The following RTTN variants were observed in gnomAD, a reference collection of about 807,000 sequenced individuals.
The protein encoded by RTTN is rotatin.
A neutral mutation model predicts 269.2 loss-of-function variants in RTTN; 182 were observed. The observed-to-expected ratio is 0.68, with a 90% CI of 0.60 to 0.76. RTTN has a LOEUF of 0.76. Among genes scored for constraint, RTTN ranks in the 30% least tolerant of loss-of-function variants. The pLI, the probability that RTTN is intolerant of heterozygous loss-of-function variation, is 0.00. For synonymous variants in RTTN, 1,006 were observed against 963.5 expected (o/e 1.04, Z -0.82); for missense variants, 2,545 against 2,608.6 (o/e 0.98, Z 0.53).
chr18:70,151,637 A>G (rs1346806259), intron 14 of RTTN, among the ~76,000 whole-genome samples: 4 of 152,136 alleles, frequency 2.6e-5, no homozygotes, highest in Non-Finnish European at 4.4e-5. Flanking sequence ...AACTTCGTTC[A>G]TATTACAAGG....
At chr18:70,124,546 T>C (rs935264141) in intron 25 of RTTN, among the ~76,000 whole-genome samples, 1 of 152,046 alleles carries the variant, frequency 6.6e-6, no homozygotes, top group Non-Finnish European at 1.5e-5. Flanking sequence ...AAAGCAAGGA[T>C]GTATAAAACA....
intron 23 of RTTN, among the ~76,000 whole-genome samples, chr18:70,133,137 A>G (rs1815176028): frequency 6.6e-6 from 1 of 152,128 alleles, no homozygotes; most frequent in African/African-American, 2.4e-5. Flanking sequence ...ACTAGAGAAC[A>G]TATTTTCTAT....
chr18:70,097,624 G>A lies in RTTN; in HGVS notation c.3904-4820C>T, dbSNP rs551983060. 7.0e-4 allele frequency among the ~76,000 whole-genome samples: 107 copies of A among 152,252 alleles called. 1 individual carries two copies. The Middle Eastern group carries it at 0.01, about 15-fold the overall frequency. ...TCCTTTTTAAACCAAAGCAAGATTGGCTAATCAAATTTTTTATAACTGCGA... is the reference window on the plus strand; with the variant it reads ...TCCTTTTTAAACCAAAGCAAGATTGACTAATCAAATTTTTTATAACTGCGA... On this transcript the variant is annotated intron_variant, in intron 28 of 48. Transcript: ENST00000640769.
chr18:70,077,515 C>A (rs530609854), intron 32 of RTTN, among the ~76,000 whole-genome samples: 2 of 151,868 alleles, frequency 1.3e-5, no homozygotes, highest in Non-Finnish European at 2.9e-5. Flanking sequence ...TCTAACATTT[C>A]TTTAGTTTTT....
chr18:70,175,322 T>C (rs2145972693), intron 11 of RTTN, among the ~76,000 whole-genome samples: 1 of 152,162 alleles, frequency 6.6e-6, no homozygotes, highest in Non-Finnish European at 1.5e-5. Context: ...AGATAGTTTA[T>C]TGCTATCATG....
chr18:70,134,188 A>G (rs2060065720), intron 23 of RTTN, among the ~76,000 whole-genome samples: 1 of 152,038 alleles, frequency 6.6e-6, no homozygotes, highest in Admixed American at 6.6e-5. Flanking sequence ...GAGAAAGCAA[A>G]GAGACTCATA....
chr18:70,016,814 A>G (rs2056552895), intron 46 of RTTN, among the ~76,000 whole-genome samples: 1 of 151,996 alleles, frequency 6.6e-6, no homozygotes, highest in Non-Finnish European at 1.5e-5. Context: ...AGTTGCAGGC[A>G]CAATTCTAGG....
chr18:70,068,029 G>A (rs1000595541), intron 34 of RTTN, among the ~76,000 whole-genome samples: 75 of 152,102 alleles, frequency 4.9e-4, no homozygotes, highest in Non-Finnish European at 2.6e-4. Context: ...AATTGATTAT[G>A]GATGATTTAT....
chr18:70,147,506 GATGCATCC>G (rs2060425610), intron 17 of RTTN, among the ~76,000 whole-genome samples: 1 of 152,064 alleles, frequency 6.6e-6, no homozygotes, highest in African/African-American at 2.4e-5. Context: ...CATTTCTCAG[GATGCATCC>G]ATGTCATTAA....
chr18:70,136,504 T>TA (rs1410224011), intron 21 of RTTN, among the ~76,000 whole-genome samples: 1 of 151,576 alleles, frequency 6.6e-6, no homozygotes, highest in Non-Finnish European at 1.5e-5. Context: ...TATCTTATAA[T>TA]AAAAAACCCT....
chr18:70,081,110 G>A (rs141500414), intron 32 of RTTN, among the ~76,000 whole-genome samples: 20 of 152,276 alleles, frequency 1.3e-4, no homozygotes, highest in Admixed American at 2.0e-4. Context: ...ACTCATAAGC[G>A]GGAGCTATGC....
At chr18:70,099,055 G>A (rs1249176340) in intron 28 of RTTN, among the ~76,000 whole-genome samples, 1 of 151,650 alleles carries the variant, frequency 6.6e-6, no homozygotes, top group African/African-American at 2.4e-5. Context: ...ATGGACATTT[G>A]GGCTAGTTCC....
In RTTN at chr18:70,052,642, T is replaced by TTTTATATATATA. The variant is rs1555706671; in HGVS notation, c.5186-1095_5186-1094insTATATATATAAA. Among the ~76,000 whole-genome samples, 6 of 145,912 alleles carry TTTTATATATATA rather than the reference T, an allele frequency of 4.1e-5. No homozygotes were observed. In the East Asian group the frequency reaches 6.0e-4, roughly 15 times the overall value. ...ATAACTTTTCATGTAATTTATTTAC[T>TTTTATATATATA]TATATATATATATCATCACAATGTG... On this transcript the variant is annotated intron_variant, in intron 38 of 48. Transcript: ENST00000640769.
chr18:70,165,277 A>T (rs192795119), intron 14 of RTTN, among the ~76,000 whole-genome samples: 2 of 151,640 alleles, frequency 1.3e-5, no homozygotes, highest in Admixed American at 1.3e-4. Context: ...GCTATATATA[A>T]AATTCTTTAA....
At chr18:70,034,282 C>A (rs1370167110) in intron 40 of RTTN, among the ~76,000 whole-genome samples, 1 of 152,166 alleles carries the variant, frequency 6.6e-6, no homozygotes, top group Admixed American at 6.5e-5. Flanking sequence ...CCTTGATGAA[C>A]AGCAATGCAA....
intron 40 of RTTN, among the ~76,000 whole-genome samples, chr18:70,037,191 T>C (rs1344105533): frequency 6.6e-6 from 1 of 152,184 alleles, no homozygotes; most frequent in African/African-American, 2.4e-5. Flanking sequence ...TGAAAGGCAG[T>C]CTTGGACACA....
At chr18:70,167,581 G>A (rs554722458) in intron 12 of RTTN, among the ~76,000 whole-genome samples, 92 of 152,132 alleles carry the variant, frequency 6.0e-4, no homozygotes, top group Non-Finnish European at 9.6e-4. Flanking sequence ...AAATTAGCTG[G>A]TTGTGGTGGC....
intron 8 of RTTN, among the ~76,000 whole-genome samples, chr18:70,191,236 G>C (rs1162251607): frequency 6.6e-6 from 1 of 150,856 alleles, no homozygotes; most frequent in African/African-American, 2.4e-5. Flanking sequence ...AGCCAAAAAT[G>C]CATCTATATT....
Position 70,134,522 on chromosome 18 carries a change from T to C in RTTN, c.2905A>G (p.Lys969Glu), listed in dbSNP as rs1253331338. The change falls in exon 23 of 49, where the codon AAA becomes GAA. Residue 969 changes from lysine (K) to glutamate (E), a missense_variant. Lys to Glu is a moderately conservative substitution (Grantham distance 56). Coordinates refer to ENST00000640769, the MANE Select transcript of RTTN (RefSeq NM_173630.4). ...CTGAAGACCGATGGCAAAGAAGGTT[T>C]ATTGGAAGGATTAACAGACCTATTT... ...MDMWSVNPSN[K>E]PSLPSVFSLP... is the part of the protein sequence containing the mutation. 6.2e-7 allele frequency: 1 copy of C among 1,610,378 alleles called. No individual in the cohort carries two copies. The highest frequency in any genetic ancestry group is 1.3e-5 in the African/African-American group (1 of 74,808).
Sources: allele counts gnomAD v4.1 joint callset (sites outside exome capture counted in the v4.1 genomes callset), GRCh38; gene constraint gnomAD v4.1.1; transcripts MANE v1.5; gene names NCBI Gene and HGNC (gene_info 2026-07-23, HGNC 2026-07-21).